Variants in PIP5K1B observed in about 807,000 individuals in gnomAD.
PIP5K1B encodes phosphatidylinositol 4-phosphate 5-kinase type-1 beta.
PIP5K1B carries 42 observed loss-of-function variants against 67.0 expected under a neutral mutation model. That is an observed-to-expected ratio of 0.63 (90% CI 0.49 to 0.81). The LOEUF (loss-of-function observed/expected upper bound fraction) is 0.81. PIP5K1B is among the 30% of genes least tolerant of loss of function. The pLI, the probability that PIP5K1B is intolerant of heterozygous loss-of-function variation, is 0.00. For missense variants in PIP5K1B, 459 were observed against 646.3 expected (o/e 0.71, Z 3.14); for synonymous variants, 214 against 231.4 (o/e 0.92, Z 0.68).
At chr9:68,825,344 A>G (rs1029304761) in intron 4 of PIP5K1B, among the ~76,000 whole-genome samples, 6 of 152,238 alleles carry the variant, frequency 3.9e-5, no homozygotes, top group South Asian at 2.1e-4. Flanking sequence ...AAAACTGGCA[A>G]TTTTGCTCCC....
At chr9:69,001,601 G>T (rs1488854766) in intron 15 of PIP5K1B, among the ~76,000 whole-genome samples, 5 of 152,104 alleles carry the variant, frequency 3.3e-5, no homozygotes, top group African/African-American at 1.2e-4. Flanking sequence ...TTACTTAGTG[G>T]CAGGAGAGAG....
At chr9:68,775,542 A>G (rs538021244) in intron 2 of PIP5K1B, among the ~76,000 whole-genome samples, 52 of 152,364 alleles carry the variant, frequency 3.4e-4, no homozygotes, top group African/African-American at 1.2e-3. Context: ...GCATGGATGC[A>G]CTGGTTGTAG....
At chr9:68,906,436 T>G (rs956445412) in intron 8 of PIP5K1B, among the ~76,000 whole-genome samples, 1 of 152,206 alleles carries the variant, frequency 6.6e-6, no homozygotes, top group Non-Finnish European at 1.5e-5. Context: ...TCTCCCTCCA[T>G]GAGAATGAAA....
In PIP5K1B at chr9:68,891,118, C is replaced by T. The variant is rs542024177; in HGVS notation, c.471+1985C>T. ...AAAAAATTATCCAGGCATGGTGGCA[C>T]GCACCTGTGGTCCCAGCTACTTGGG... On this transcript the variant is annotated intron_variant, in intron 7 of 15. Coordinates refer to ENST00000265382, the MANE Select transcript of PIP5K1B (RefSeq NM_003558.4). Among the ~76,000 whole-genome samples the T allele has an allele frequency of 2.2e-3, 332 of 152,166 alleles. 2 individuals are homozygous for T. The highest frequency in any genetic ancestry group is 7.2e-3 in the African/African-American group (298 of 41,524).
chr9:68,852,431 G>T (rs147310631), intron 4 of PIP5K1B, among the ~76,000 whole-genome samples: 12 of 151,970 alleles, frequency 7.9e-5, no homozygotes, highest in Admixed American at 3.3e-4. Context: ...GATCCACAGA[G>T]AGGAGCTGTA....
intron 8 of PIP5K1B, among the ~76,000 whole-genome samples, chr9:68,907,896 G>T (rs1435986615): frequency 6.6e-6 from 1 of 152,238 alleles, no homozygotes; most frequent in Non-Finnish European, 1.5e-5. Context: ...ATCACGGACA[G>T]ATTCTTCCAT....
intron 2 of PIP5K1B, among the ~76,000 whole-genome samples, chr9:68,759,769 ATTACT>A (rs1257505084): frequency 6.6e-6 from 1 of 152,122 alleles, no homozygotes; most frequent in African/African-American, 2.4e-5. Context: ...GTGGAATCTC[ATTACT>A]TTTTATATTG....
chr9:68,858,464 C>G (rs1361663487), intron 4 of PIP5K1B, among the ~76,000 whole-genome samples: 1 of 152,158 alleles, frequency 6.6e-6, no homozygotes, highest in Non-Finnish European at 1.5e-5. Flanking sequence ...AAAATTTTCA[C>G]ATGTAGTTTT....
chr9:68,736,616 T>G (rs1216581660), intron 1 of PIP5K1B, among the ~76,000 whole-genome samples: 1 of 152,224 alleles, frequency 6.6e-6, no homozygotes, highest in African/African-American at 2.4e-5. Flanking sequence ...TCCTTGCTTC[T>G]TCCATCTTTT....
chr9:68,785,612 C>T (rs887845681), intron 2 of PIP5K1B, among the ~76,000 whole-genome samples: 1 of 152,210 alleles, frequency 6.6e-6, no homozygotes, highest in African/African-American at 2.4e-5. Context: ...TAATCTATCA[C>T]TATCATCTGA....
At chr9:69,002,639 G>C (rs545358104) in intron 15 of PIP5K1B, among the ~76,000 whole-genome samples, 2 of 152,036 alleles carry the variant, frequency 1.3e-5, no homozygotes, top group Non-Finnish European at 2.9e-5. Context: ...AAGAGAGAGA[G>C]AGAGACTCTG....
intron 11 of PIP5K1B, among the ~76,000 whole-genome samples, chr9:68,920,402 C>G (rs1003984996): frequency 9.5e-6 from 1 of 105,246 alleles, no homozygotes; most frequent in Non-Finnish European, 1.7e-5. Flanking sequence ...GAGTCTTGCT[C>G]TGTCACCCAG....
intron 14 of PIP5K1B, among the ~76,000 whole-genome samples, chr9:68,988,543 G>A (rs1290846409): frequency 1.3e-4 from 19 of 144,890 alleles, no homozygotes; most frequent in South Asian, 6.8e-4. Flanking sequence ...TCTGCCTCCC[G>A]GCTTCAAATG....
chr9:68,998,289 A>G (rs924742771), intron 15 of PIP5K1B, among the ~76,000 whole-genome samples: 2 of 152,112 alleles, frequency 1.3e-5, no homozygotes, highest in Admixed American at 1.3e-4. Context: ...ATTCGACCTC[A>G]AGCGATCCGC....
chr9:68,726,982 T>G (rs956383202), intron 1 of PIP5K1B, among the ~76,000 whole-genome samples: 1 of 151,754 alleles, frequency 6.6e-6, no homozygotes, highest in African/African-American at 2.4e-5. Context: ...GTAAAGTTGT[T>G]GTTTTTTTTT....
At chr9:68,828,597 G>A (rs1195409107) in intron 4 of PIP5K1B, among the ~76,000 whole-genome samples, 1 of 152,194 alleles carries the variant, frequency 6.6e-6, no homozygotes, top group African/African-American at 2.4e-5. Flanking sequence ...TCCAAGGAAA[G>A]ATGCCTTTTA....
At chr9:68,969,164 C>T (rs1408136263) in intron 14 of PIP5K1B, among the ~76,000 whole-genome samples, 1 of 151,906 alleles carries the variant, frequency 6.6e-6, no homozygotes, top group Non-Finnish European at 1.5e-5. Context: ...GCCAGGAGAT[C>T]GAGACCATCC....
chr9:68,950,615 G>T (rs1828017610), intron 14 of PIP5K1B, among the ~76,000 whole-genome samples: 1 of 152,180 alleles, frequency 6.6e-6, no homozygotes, highest in Admixed American at 6.5e-5. Flanking sequence ...TGTAACAGGT[G>T]AACTTCCAGG....
intron 14 of PIP5K1B, among the ~76,000 whole-genome samples, chr9:68,968,102 C>A (rs1829134483): frequency 6.6e-6 from 1 of 152,214 alleles, no homozygotes; most frequent in Admixed American, 6.5e-5. Flanking sequence ...GTTAGTATAA[C>A]CTTGGGCATG....
Sources: allele counts gnomAD v4.1 joint callset (sites outside exome capture counted in the v4.1 genomes callset), GRCh38; gene constraint gnomAD v4.1.1; transcripts MANE v1.5; gene names NCBI Gene and HGNC (gene_info 2026-07-23, HGNC 2026-07-21).